Variants in KCNG3 observed in about 807,000 individuals in gnomAD.
KCNG3 encodes voltage-gated potassium channel regulatory subunit KCNG3.
In KCNG3, 15 loss-of-function variants were observed where a neutral mutation model predicts 29.0. The observed-to-expected ratio is 0.52, with a 90% CI of 0.35 to 0.80. The LOEUF (loss-of-function observed/expected upper bound fraction) is 0.80, where lower values mean the gene tolerates loss of function less well. Ranked by LOEUF, KCNG3 falls within the 30% of genes least tolerant of loss-of-function variation. The pLI is 0.01. For missense variants in KCNG3, 512 were observed against 605.7 expected (o/e 0.85, Z 1.62); for synonymous variants, 322 against 248.9 (o/e 1.29, Z -2.76).
At chr2:42,441,501 T>C (rs1672477228), downstream of KCNG3, among the ~76,000 whole-genome samples, 1 of 152,078 alleles carries the variant, frequency 6.6e-6, no homozygotes, top group African/African-American at 2.4e-5. Context: ...CCCTAATACA[T>C]ATTTTTTCAT....
chr2:42,419,986 G>A, the KCNG3 span, among the ~76,000 whole-genome samples: 77 of 152,300 alleles, frequency 5.1e-4, no homozygotes, highest in African/African-American at 1.8e-3. Flanking sequence ...ACTTTGGGAG[G>A]CTGAGGCGGG....
At chr2:42,408,585 T>C in the KCNG3 span, among the ~76,000 whole-genome samples, 1 of 152,074 alleles carries the variant, frequency 6.6e-6, no homozygotes, top group African/African-American at 2.4e-5. Flanking sequence ...TGAACACTTG[T>C]TGGGACACCC....
At chr2:42,459,184 G>A (rs562918596) in intron 1 of KCNG3, among the ~76,000 whole-genome samples, 122 of 137,226 alleles carry the variant, frequency 8.9e-4, no homozygotes, top group African/African-American at 3.2e-3. Flanking sequence ...CAACAAGAGC[G>A]AAACTCCATC....
At chr2:42,463,136 T>C in intron 1 of KCNG3, 2 of 333,588 alleles carry the variant, frequency 6.0e-6, no homozygotes, top group Non-Finnish European at 1.1e-5. Flanking sequence ...CAGTATTCAT[T>C]TGTGCTTGAA....
chr2:42,397,403 C>T, the KCNG3 span, among the ~76,000 whole-genome samples: 6 of 152,028 alleles, frequency 3.9e-5, no homozygotes, highest in African/African-American at 7.2e-5. Context: ...GAAAGACACA[C>T]CATAGACAAA....
At chr2:42,406,382 G>A in the KCNG3 span, among the ~76,000 whole-genome samples, 4 of 151,400 alleles carry the variant, frequency 2.6e-5, no homozygotes, top group Non-Finnish European at 5.9e-5. Context: ...ACCACACCTG[G>A]CTAATTTCGT....
chr2:42,420,217 G>C, the KCNG3 span, among the ~76,000 whole-genome samples: 2 of 152,036 alleles, frequency 1.3e-5, no homozygotes, highest in South Asian at 2.1e-4. Context: ...AGTGAAAAGA[G>C]CGAAACTCCG....
chr2:42,447,170 C>A (rs1479029910), intron 1 of KCNG3, among the ~76,000 whole-genome samples: 1 of 150,796 alleles, frequency 6.6e-6, no homozygotes, highest in Non-Finnish European at 1.5e-5. Flanking sequence ...CTGGAGTCAA[C>A]AAATATAATC....
intron 1 of KCNG3, among the ~76,000 whole-genome samples, chr2:42,448,804 C>T (rs1225872042): frequency 6.6e-6 from 1 of 152,014 alleles, no homozygotes; most frequent in Non-Finnish European, 1.5e-5. Flanking sequence ...AGTGAAACCC[C>T]GTTCTCTACT....
At chr2:42,477,565 A>G (rs1391534329) in intron 1 of KCNG3, among the ~76,000 whole-genome samples, 1 of 150,786 alleles carries the variant, frequency 6.6e-6, no homozygotes, top group Non-Finnish European at 1.5e-5. Context: ...GTAGCTGGTC[A>G]ATACAAAATT....
chr2:42,465,504 A>G (rs1173852053), intron 1 of KCNG3, among the ~76,000 whole-genome samples: 1 of 152,166 alleles, frequency 6.6e-6, no homozygotes, highest in African/African-American at 2.4e-5. Flanking sequence ...GGAGTGAGCC[A>G]TTGTCCTCAG....
At chr2:42,439,419 G>C (rs184673252), downstream of KCNG3, among the ~76,000 whole-genome samples, 1 of 151,658 alleles carries the variant, frequency 6.6e-6, no homozygotes, top group Non-Finnish European at 1.5e-5. Flanking sequence ...GTGTCATCAA[G>C]CCTGGCTAAT....
chr2:42,443,089 G>C lies in KCNG3; in HGVS notation c.*845C>G, dbSNP rs751107686. 3 of 152,122 alleles carry C rather than the reference G, an allele frequency of 2.0e-5. No individual in the cohort carries two copies. The allele number at this position is 152,122 out of a possible 1,614,324, so 9.4% of individuals were successfully genotyped here. A position where few individuals can be genotyped will look rare whatever the true frequency, so the allele number is the denominator to read the frequency against. The stretch of plus-strand genomic sequence containing the variant: ...AGAGAAGAAGAGGTTGTAATATTGA[G>C]TCATCTCAAATTATTCCTATTATAA... On this transcript the variant is annotated 3_prime_UTR_variant, in exon 2 of 2. Coordinates refer to ENST00000306078, the MANE Select transcript of KCNG3 (RefSeq NM_133329.6).
At chr2:42,410,354 C>A in the KCNG3 span, among the ~76,000 whole-genome samples, 1 of 152,148 alleles carries the variant, frequency 6.6e-6, no homozygotes, top group Non-Finnish European at 1.5e-5. Context: ...GGGATACACG[C>A]ATTTGCAATT....
the KCNG3 span, among the ~76,000 whole-genome samples, chr2:42,423,127 A>G: frequency 6.6e-6 from 1 of 152,108 alleles, no homozygotes; most frequent in East Asian, 1.9e-4. Flanking sequence ...TTCCATTTGG[A>G]TACTTCCCAG....
chr2:42,417,854 C>A, the KCNG3 span, among the ~76,000 whole-genome samples: 1 of 151,960 alleles, frequency 6.6e-6, no homozygotes, highest in African/African-American at 2.4e-5. Context: ...CGCCTGTAGT[C>A]CCAGCTACTT....
the KCNG3 span, among the ~76,000 whole-genome samples, chr2:42,404,730 CA>C: frequency 6.6e-6 from 1 of 151,726 alleles, no homozygotes; most frequent in Non-Finnish European, 1.5e-5. Context: ...CCCATCTCAC[CA>C]AAAAAACAAT....
the KCNG3 span, among the ~76,000 whole-genome samples, chr2:42,427,729 G>C: frequency 4.6e-5 from 7 of 151,998 alleles, no homozygotes; most frequent in African/African-American, 1.7e-4. Flanking sequence ...AATTTAAATA[G>C]AATATAATCC....
chr2:42,477,910 T>C (rs529258906), intron 1 of KCNG3, among the ~76,000 whole-genome samples: 1 of 151,790 alleles, frequency 6.6e-6, no homozygotes, highest in Admixed American at 6.6e-5. Context: ...TTGAGTCACC[T>C]CTTTCACGGG....
Sources: allele counts gnomAD v4.1 joint callset (sites outside exome capture counted in the v4.1 genomes callset), GRCh38; gene constraint gnomAD v4.1.1; transcripts MANE v1.5; gene names NCBI Gene and HGNC (gene_info 2026-07-23, HGNC 2026-07-21).